The following CPO variants were observed in gnomAD, a reference collection of about 807,000 sequenced individuals.
CPO encodes the protein metallocarboxypeptidase C.
In CPO, 43 loss-of-function variants were observed where a neutral mutation model predicts 41.2. The observed-to-expected ratio is 1.04, with a 90% CI of 0.82 to 1.35. The LOEUF (loss-of-function observed/expected upper bound fraction) is 1.35. Ranked by LOEUF, CPO falls within the 40% of genes most tolerant of loss-of-function variation. CPO has a pLI of 0.00. For synonymous variants in CPO, 178 were observed against 162.7 expected (o/e 1.09, Z -0.72); for missense variants, 408 against 451.7 (o/e 0.90, Z 0.88).
chr2:206,961,959 G>A (rs527345559), intron 6 of CPO, among the ~76,000 whole-genome samples: 33 of 151,558 alleles, frequency 2.2e-4, no homozygotes, highest in African/African-American at 6.0e-4. Flanking sequence ...AATTAGCCTC[G>A]CGTGGTGGCG....
At chr2:206,958,083 TC>T (rs1430909416) in intron 3 of CPO, among the ~76,000 whole-genome samples, 4 of 152,132 alleles carry the variant, frequency 2.6e-5, no homozygotes, top group Non-Finnish European at 4.4e-5. Flanking sequence ...CAGTGTGCAG[TC>T]CTGAGAACAA....
intron 1 of CPO, among the ~76,000 whole-genome samples, chr2:206,943,939 T>C (rs900445881): frequency 1.3e-5 from 2 of 152,130 alleles, no homozygotes; most frequent in African/African-American, 4.8e-5. Flanking sequence ...CACCATTTAA[T>C]TGATAGTTAA....
In CPO at chr2:206,953,939, G is replaced by A. The variant is rs548356966; in HGVS notation, c.166-1524G>A. On this transcript the variant is annotated intron_variant, in intron 2 of 8. Transcript: ENST00000272852. The stretch of plus-strand genomic sequence containing the variant: ...AGGCTTTGGGCTTTCACCCTCTGAA[G>A]CCATGGCCTGAGCTGTACCTTGGCC... 3.9e-5 allele frequency among the ~76,000 whole-genome samples: 6 copies of A among 152,300 alleles called. No individual in the cohort carries two copies. In the South Asian group the frequency reaches 1.2e-3, roughly 32 times the overall value.
At chr2:206,944,347 T>G (rs1463508646) in intron 1 of CPO, among the ~76,000 whole-genome samples, 1 of 151,984 alleles carries the variant, frequency 6.6e-6, no homozygotes, top group Admixed American at 6.6e-5. Flanking sequence ...CTTTACAAAA[T>G]GATCATCTTT....
intron 4 of CPO, among the ~76,000 whole-genome samples, chr2:206,958,737 T>TTTTTG (rs1693420917): frequency 7.1e-6 from 1 of 141,046 alleles, no homozygotes; most frequent in African/African-American, 2.7e-5. Context: ...AGTTTTTTTT[T>TTTTTG]TTTTTTTTTT....
chr2:206,944,364 G>A (rs563333654), intron 1 of CPO, among the ~76,000 whole-genome samples: 26 of 151,924 alleles, frequency 1.7e-4, no homozygotes, highest in African/African-American at 6.0e-4. Context: ...CTTTTGTAAA[G>A]CAAGCAGCCT....
intron 3 of CPO, among the ~76,000 whole-genome samples, 156 bp from the exon 4 acceptor site, chr2:206,958,145 T>G (rs1363052427): frequency 6.6e-6 from 1 of 152,194 alleles, no homozygotes; most frequent in African/African-American, 2.4e-5. Flanking sequence ...AAGAATCATG[T>G]TGATGGGTGT....
intron 1 of CPO, among the ~76,000 whole-genome samples, chr2:206,948,075 G>T (rs138621914): frequency 0.015 from 2,292 of 152,236 alleles, 61 homozygotes; most frequent in African/African-American, 0.053. Flanking sequence ...GCACTCTTTA[G>T]TATTTATCCA....
chr2:206,956,268 TGGTTAGA>T (rs1693354858), intron 3 of CPO, among the ~76,000 whole-genome samples: 1 of 152,156 alleles, frequency 6.6e-6, no homozygotes, highest in Non-Finnish European at 1.5e-5. Flanking sequence ...CCACCTAATT[TGGTTAGA>T]GATTTTGACC....
At chr2:206,963,408 G>T (rs1439498160) in intron 7 of CPO, among the ~76,000 whole-genome samples, 2 of 152,078 alleles carry the variant, frequency 1.3e-5, no homozygotes, top group Non-Finnish European at 2.9e-5. Context: ...ATACAGTTCA[G>T]TAGTGTTAAG....
intron 2 of CPO, among the ~76,000 whole-genome samples, chr2:206,954,244 G>T (rs1693317939): frequency 6.6e-6 from 1 of 152,084 alleles, no homozygotes; most frequent in South Asian, 2.1e-4. Context: ...CGCATTGTCA[G>T]GCTGCAAATT....
At chr2:206,950,123 A>G (rs1693223223) in intron 2 of CPO, among the ~76,000 whole-genome samples, 1 of 152,214 alleles carries the variant, frequency 6.6e-6, no homozygotes, top group Non-Finnish European at 1.5e-5. Context: ...TATTTATTGT[A>G]GGATTTACAG....
At chr2:206,952,370 C>T (rs1273849874) in intron 2 of CPO, among the ~76,000 whole-genome samples, 2 of 152,178 alleles carry the variant, frequency 1.3e-5, no homozygotes, top group Non-Finnish European at 2.9e-5. Context: ...ACCTTGGCCT[C>T]CCAAAGTGCT....
intron 7 of CPO, among the ~76,000 whole-genome samples, chr2:206,964,060 G>A (rs530036764): frequency 1.3e-5 from 2 of 152,258 alleles, no homozygotes; most frequent in South Asian, 4.1e-4. Flanking sequence ...ATGCTGAGAA[G>A]AAGTGGGGCT....
At chr2:206,947,856 G>C (rs945901975) in intron 1 of CPO, among the ~76,000 whole-genome samples, 1 of 152,138 alleles carries the variant, frequency 6.6e-6, no homozygotes, top group Non-Finnish European at 1.5e-5. Context: ...GATAATACTT[G>C]TTAATAAAAC....
intron 3 of CPO, among the ~76,000 whole-genome samples, chr2:206,956,575 CA>C (rs776314232): frequency 3.3e-5 from 5 of 152,190 alleles, no homozygotes; most frequent in Non-Finnish European, 5.9e-5. Context: ...ATTCAAGTTT[CA>C]GAACCAGAGT....
intron 7 of CPO, among the ~76,000 whole-genome samples, chr2:206,964,301 C>T (rs896588511): frequency 7.9e-5 from 12 of 152,224 alleles, no homozygotes; most frequent in Non-Finnish European, 1.8e-4. Flanking sequence ...TCCAGGAACA[C>T]TTGCACTATA....
chr2:206,943,702 AGATAGATAGATAG>A (rs1693075761), intron 1 of CPO, among the ~76,000 whole-genome samples: 1 of 141,752 alleles, frequency 7.1e-6, no homozygotes, highest in Admixed American at 7.0e-5. Context: ...ATAGATAGAT[AGATAGATAGATAG>A]ATGATGGATA....
At chr2:206,958,630 A>G (rs1184002449) in intron 4 of CPO, among the ~76,000 whole-genome samples, 1 of 152,052 alleles carries the variant, frequency 6.6e-6, no homozygotes, top group Non-Finnish European at 1.5e-5. Flanking sequence ...ATTGGAGGGT[A>G]AACATATCTA....
Sources: gnomAD v4.1 joint callset for allele counts (sites outside exome capture counted in the v4.1 genomes callset) on GRCh38, gnomAD v4.1.1 for gene constraint, MANE v1.5 for transcripts, NCBI Gene and HGNC (gene_info 2026-07-23, HGNC 2026-07-21) for gene names.